CNIH3: variants seen among roughly 807,000 people sequenced by gnomAD.
CNIH3 encodes protein cornichon homolog 3.
In CNIH3, 14 loss-of-function variants were observed where a neutral mutation model predicts 24.1. The observed-to-expected ratio is 0.58, with a 90% CI of 0.38 to 0.91. The LOEUF (loss-of-function observed/expected upper bound fraction) is 0.91. Among genes scored for constraint, CNIH3 ranks in the 40% least tolerant of loss-of-function variants. The pLI, the probability that CNIH3 is intolerant of heterozygous loss-of-function variation, is 0.00. For synonymous variants in CNIH3, 68 were observed against 73.8 expected (o/e 0.92, Z 0.40); for missense variants, 178 against 196.8 (o/e 0.90, Z 0.57).
intron 3 of CNIH3, among the ~76,000 whole-genome samples, chr1:224,563,462 T>G (rs1046402320): frequency 2.8e-4 from 22 of 77,436 alleles, no homozygotes; most frequent in Admixed American, 1.1e-3. Context: ...TTAGACGGGG[T>G]GTGTGTGTGT....
chr1:224,507,175 A>T (rs791504), intron 1 of CNIH3, among the ~76,000 whole-genome samples: 108,274 of 152,106 alleles, frequency 0.71, 40,154 homozygotes, highest in Middle Eastern at 0.86. Context: ...ACCAGTTCTT[A>T]TAAACGTATC....
chr1:224,713,424 G>A (rs1688262735), intron 3 of CNIH3, among the ~76,000 whole-genome samples: 1 of 152,164 alleles, frequency 6.6e-6, no homozygotes, highest in African/African-American at 2.4e-5. Flanking sequence ...GTTTATTTCT[G>A]TAAGTCCACA....
At chr1:224,681,151 C>T (rs192114361) in intron 2 of CNIH3, 125 bp downstream of exon 2, 9 of 796,636 alleles carry the variant, frequency 1.1e-5, no homozygotes, top group Non-Finnish European at 1.9e-5. Flanking sequence ...CTGTGCCTCT[C>T]TACCTGGCTC....
chr1:224,662,430 C>T (rs1448759490), intron 1 of CNIH3, among the ~76,000 whole-genome samples: 1 of 151,954 alleles, frequency 6.6e-6, no homozygotes, highest in Admixed American at 6.6e-5. Context: ...TGATACTAGT[C>T]TTACTTATAA....
At chr1:224,656,173 GT>G (rs1268570127) in intron 1 of CNIH3, among the ~76,000 whole-genome samples, 1 of 152,124 alleles carries the variant, frequency 6.6e-6, no homozygotes, top group Non-Finnish European at 1.5e-5. Context: ...GAGGAAGGTC[GT>G]TGTGGGATAA....
chr1:224,544,883 C>T (rs1046510956), intron 2 of CNIH3, among the ~76,000 whole-genome samples: 1 of 152,214 alleles, frequency 6.6e-6, no homozygotes, highest in African/African-American at 2.4e-5. Context: ...GCCACTGCCT[C>T]CCATGAGCAT....
chr1:224,676,337 G>A (rs1686138088), intron 1 of CNIH3, among the ~76,000 whole-genome samples: 1 of 152,156 alleles, frequency 6.6e-6, no homozygotes. Flanking sequence ...TGGTTGCTGG[G>A]CAGGGGACGG....
At chr1:224,574,890 G>A (rs1680970873) in intron 4 of CNIH3, 1 of 1,014,160 alleles carries the variant, frequency 9.9e-7, no homozygotes, top group Non-Finnish European at 1.6e-6. Context: ...GCTGGTGGAT[G>A]AAGGGCTGGT....
chr1:224,608,785 T>C (rs1048893896), intron 3 of CNIH3, among the ~76,000 whole-genome samples: 2 of 152,238 alleles, frequency 1.3e-5, no homozygotes, highest in Admixed American at 1.3e-4. Context: ...GCTGTCCACA[T>C]GCACAGTGGC....
At chr1:224,518,079 A>G (rs1216081959) in intron 1 of CNIH3, among the ~76,000 whole-genome samples, 2 of 152,138 alleles carry the variant, frequency 1.3e-5, no homozygotes, top group South Asian at 4.1e-4. Context: ...TCTAGTGCTT[A>G]GAGGTCTAAG....
chr1:224,698,706 G>A (rs959585678), intron 3 of CNIH3, among the ~76,000 whole-genome samples: 1 of 152,178 alleles, frequency 6.6e-6, no homozygotes, highest in Non-Finnish European at 1.5e-5. Flanking sequence ...AGGTATAGGT[G>A]GAATTCAGAA....
At chr1:224,615,672 T>C (rs1682924723), upstream of CNIH3, 1 of 151,940 alleles carries the variant, frequency 6.6e-6, no homozygotes, top group African/African-American at 2.4e-5. Flanking sequence ...CGAGCCCTCG[T>C]TGCTGCCTCT....
intron 1 of CNIH3, among the ~76,000 whole-genome samples, chr1:224,446,503 C>T (rs536955642): frequency 5.2e-4 from 79 of 152,020 alleles, no homozygotes; most frequent in African/African-American, 1.9e-3. Context: ...TCCTAGGTAT[C>T]GGATGTTTTT....
chr1:224,663,346 C>T (rs1447521526), intron 1 of CNIH3, among the ~76,000 whole-genome samples: 1 of 152,162 alleles, frequency 6.6e-6, no homozygotes, highest in Admixed American at 6.5e-5. Flanking sequence ...GAACCTCGAC[C>T]TCCCACAGCT....
intron 3 of CNIH3, among the ~76,000 whole-genome samples, chr1:224,610,533 G>A (rs531783229): frequency 6.6e-6 from 1 of 152,282 alleles, no homozygotes; most frequent in South Asian, 2.1e-4. Flanking sequence ...TGCTGTGATT[G>A]TAAGTTTCCT....
At chr1:224,711,794 C>CAAAAAAAAAAAAA (rs11437581) in intron 3 of CNIH3, among the ~76,000 whole-genome samples, 1 of 65,662 alleles carries the variant, frequency 1.5e-5, no homozygotes. Context: ...GACCCTGTCT[C>CAAAAAAAAAAAAA]AAAAAAAAAA....
intron 1 of CNIH3, among the ~76,000 whole-genome samples, chr1:224,442,149 G>A (rs1674945514): frequency 6.6e-6 from 1 of 151,464 alleles, no homozygotes; most frequent in Non-Finnish European, 1.5e-5. Flanking sequence ...CTCCCGAGTA[G>A]CTGGGACCAC....
intron 1 of CNIH3, among the ~76,000 whole-genome samples, chr1:224,653,205 T>C: frequency 6.6e-6 from 1 of 152,140 alleles, no homozygotes; most frequent in Non-Finnish European, 1.5e-5. Context: ...GGCGGATCAC[T>C]TGAGGTCAGG....
chr1:224,497,690 A>T lies in CNIH3; in HGVS notation n.204-18051A>T, dbSNP rs138944494. 7.5e-4 allele frequency among the ~76,000 whole-genome samples: 115 copies of T among 152,322 alleles called. 1 individual carries two copies. In the East Asian group the frequency reaches 0.017, roughly 23 times the overall value. On this transcript the variant is annotated intron_variant and non_coding_transcript_variant, in intron 1 of 5. Transcript: ENST00000471578. ...TGGAGCCCTCCAGGAGGATCTTGGC[A>T]CTGAGAGAAATCCCTAAACTAGAGT...
Sources: gnomAD v4.1 joint callset for allele counts (sites outside exome capture counted in the v4.1 genomes callset) on GRCh38, gnomAD v4.1.1 for gene constraint, MANE v1.5 for transcripts, NCBI Gene and HGNC (gene_info 2026-07-23, HGNC 2026-07-21) for gene names.